The following ATXN1 variants were observed in gnomAD, a reference collection of about 807,000 sequenced individuals.
ATXN1 encodes ataxin 1.
ATXN1 carries 8 observed loss-of-function variants against 56.4 expected under a neutral mutation model. That is an observed-to-expected ratio of 0.14 (90% CI 0.08 to 0.26). The LOEUF (loss-of-function observed/expected upper bound fraction) is 0.26. Ranked by LOEUF, ATXN1 falls within the 10% of genes least tolerant of loss-of-function variation. ATXN1 has a pLI of 1.00. For missense variants in ATXN1, 987 were observed against 1,106.5 expected, an observed-to-expected ratio of 0.89 and a Z score of 1.53; for synonymous variants, 514 against 494.6, an observed-to-expected ratio of 1.04 and a Z score of -0.52.
In ATXN1 at chr6:16,719,399, T is replaced by G. The variant is rs535254041; in HGVS notation, c.-615+33834A>C. Among the ~76,000 whole-genome samples the G allele has an allele frequency of 8.5e-5, 13 of 152,286 alleles. No individual in the cohort carries two copies. In the East Asian group the frequency reaches 1.7e-3, roughly 20 times the overall value. The stretch of plus-strand genomic sequence containing the variant: ...TCGCAAGCAGCATGCTGTCAAAAAC[T>G]GTCAAGTGAAATAATTATTGATTGG... On this transcript the variant is annotated intron_variant, in intron 2 of 7. Transcript: ENST00000436367.
intron 6 of ATXN1, among the ~76,000 whole-genome samples, chr6:16,396,013 C>CAA (rs59358244): frequency 0.02 from 839 of 42,230 alleles, 98 homozygotes; most frequent in African/African-American, 0.07. Context: ...GACTCCGTCT[C>CAA]AAAAAAAAAA....
At chr6:16,424,055 C>A (rs1318924775) in intron 6 of ATXN1, among the ~76,000 whole-genome samples, 1 of 152,138 alleles carries the variant, frequency 6.6e-6, no homozygotes, top group Non-Finnish European at 1.5e-5. Context: ...CATGATCCTC[C>A]AGGTAATCCT....
At chr6:16,743,306 C>G (rs77394211) in intron 2 of ATXN1, among the ~76,000 whole-genome samples, 1 of 152,194 alleles carries the variant, frequency 6.6e-6, no homozygotes, top group Non-Finnish European at 1.5e-5. Context: ...TTGGACCTTT[C>G]TTTCTCCTTA....
At chr6:16,582,563 G>A (rs1311065901) in intron 4 of ATXN1, among the ~76,000 whole-genome samples, 1 of 152,182 alleles carries the variant, frequency 6.6e-6, no homozygotes, top group South Asian at 2.1e-4. Flanking sequence ...TTTCAACAAT[G>A]ATTCTGCCTG....
chr6:16,661,535 C>A (rs1758320219), intron 2 of ATXN1, among the ~76,000 whole-genome samples: 1 of 152,208 alleles, frequency 6.6e-6, no homozygotes, highest in South Asian at 2.1e-4. Context: ...TGCAGGATGG[C>A]TTCCAGTGAT....
intron 6 of ATXN1, among the ~76,000 whole-genome samples, chr6:16,413,410 T>C (rs1758841711): frequency 1.3e-5 from 2 of 152,200 alleles, no homozygotes; most frequent in Admixed American, 1.3e-4. Context: ...GGACCCATTC[T>C]TTTTGTTATA....
intron 2 of ATXN1, among the ~76,000 whole-genome samples, chr6:16,665,918 G>A (rs1050273235): frequency 2.6e-5 from 4 of 152,180 alleles, no homozygotes; most frequent in African/African-American, 9.7e-5. Flanking sequence ...TTTGATACAA[G>A]CACACAATGT....
intron 2 of ATXN1, among the ~76,000 whole-genome samples, chr6:16,669,902 T>C (rs952420446): frequency 6.6e-6 from 1 of 152,072 alleles, no homozygotes; most frequent in Admixed American, 6.6e-5. Context: ...ACATTCACAT[T>C]GGTGATGTCT....
In ATXN1 at chr6:16,529,239, C is replaced by T. The variant is rs146478581; in HGVS notation, c.-360-6551G>A. ...TTTTTTTTTTTGTGAAGATAGCAAG[C>T]GAGGATATGAGAACAAAAGTTACCC... is the stretch of plus-strand genomic sequence containing the variant. On this transcript the variant is annotated intron_variant, in intron 4 of 7. Coordinates refer to ENST00000436367, the MANE Select transcript of ATXN1 (RefSeq NM_001128164.2). Among the ~76,000 whole-genome samples the T allele has an allele frequency of 3.0e-3, 413 of 138,726 alleles. 2 individuals carry two copies. The highest frequency in any genetic ancestry group is 0.011 in the African/African-American group (387 of 35,906). The allele number at this position is 138,726 out of a possible 152,430, so 91.0% of individuals were successfully genotyped here. A position where few individuals can be genotyped will look rare whatever the true frequency, so the allele number is the denominator to read the frequency against.
chr6:16,745,027 CAAT>C (rs1358653300), intron 2 of ATXN1, among the ~76,000 whole-genome samples: 1 of 152,084 alleles, frequency 6.6e-6, no homozygotes, highest in Non-Finnish European at 1.5e-5. Flanking sequence ...GTAAAAAGAA[CAAT>C]TAGTAAATAA....
chr6:16,480,329 C>T (rs200765828), intron 6 of ATXN1, among the ~76,000 whole-genome samples: 1 of 152,108 alleles, frequency 6.6e-6, no homozygotes. Flanking sequence ...AGAAGTAGTA[C>T]ATAAAATACT....
intron 6 of ATXN1, among the ~76,000 whole-genome samples, chr6:16,421,443 GCT>G (rs1759030296): frequency 6.6e-6 from 1 of 152,192 alleles, no homozygotes; most frequent in South Asian, 2.1e-4. Flanking sequence ...GATTGGTACA[GCT>G]CTGAGATTAG....
At chr6:16,543,219 C>T (rs1392833964) in intron 4 of ATXN1, among the ~76,000 whole-genome samples, 1 of 152,184 alleles carries the variant, frequency 6.6e-6, no homozygotes, top group Non-Finnish European at 1.5e-5. Context: ...GTCCCGCAGC[C>T]ACCACCACCT....
chr6:16,379,229 G>A lies in ATXN1; in HGVS notation c.-160-50759C>T, dbSNP rs866225059. 2.0e-4 allele frequency among the ~76,000 whole-genome samples: 31 copies of A among 152,276 alleles called. 1 individual carries two copies. Among genetic ancestry groups the A allele is most frequent in the Admixed American group, 4.6e-4 (7 of 15,298 alleles). ...AAGCTATGAGGATGCAAAGGCATAA[G>A]AATGATACAGCGGACTTTGGGCACT... On this transcript the variant is annotated intron_variant, in intron 6 of 7. Coordinates refer to ENST00000436367, the MANE Select transcript of ATXN1 (RefSeq NM_001128164.2).
intron 2 of ATXN1, among the ~76,000 whole-genome samples, chr6:16,711,304 C>A (rs1343329270): frequency 6.6e-6 from 1 of 152,076 alleles, no homozygotes; most frequent in Non-Finnish European, 1.5e-5. Flanking sequence ...AACTAGAAAT[C>A]TTCCAGGAGA....
At chr6:16,552,603 T>C (rs866642726) in intron 4 of ATXN1, among the ~76,000 whole-genome samples, 8 of 152,180 alleles carry the variant, frequency 5.3e-5, no homozygotes, top group South Asian at 4.1e-4. Flanking sequence ...CTCCACTCAC[T>C]AAATTTATAA....
At chr6:16,547,004 T>C (rs1260650669) in intron 4 of ATXN1, among the ~76,000 whole-genome samples, 1 of 152,226 alleles carries the variant, frequency 6.6e-6, no homozygotes, top group Non-Finnish European at 1.5e-5. Flanking sequence ...TTGGGGAAGT[T>C]CTAGCATCTT....
At chr6:16,584,223 C>CATATATAT (rs746676585) in intron 4 of ATXN1, among the ~76,000 whole-genome samples, 1,203 of 80,594 alleles carry the variant, frequency 0.015, 19 homozygotes, top group Non-Finnish European at 0.025. Flanking sequence ...CGATATTGGA[C>CATATATAT]ATATATATAT....
In ATXN1 at chr6:16,326,997, G is replaced by C; in HGVS notation, c.1314C>G (p.His438Gln). Residue 438 changes from histidine (H) to glutamine (Q), a missense_variant, in exon 7 of 8, where the codon CAC becomes CAG. Physicochemically the swap from His to Gln is conservative, Grantham distance 24. Around this residue, in one of 3 missense-constraint regions of ATXN1, gnomAD observed 723 missense variants for 791.7 expected, o/e 0.91. Coordinates refer to ENST00000436367, the MANE Select transcript of ATXN1 (RefSeq NM_001128164.2). This position sits in a 1 kb window ranked among gnomAD's most constrained non-coding sequence, Gnocchi z 6.6. ...CCACCGGGAGTGGCTCTGAAGCACT[G>C]TGTGTGGTCTGAATGACCGTGTGGG... ...LSPHTVIQTT[H>Q]SASEPLPVGL... 1 of 1,614,188 alleles carries C rather than the reference G, an allele frequency of 6.2e-7. No individual in the cohort carries two copies. The highest frequency in any genetic ancestry group is 8.5e-7 in the Non-Finnish European group (1 of 1,180,042).
Sources: allele counts gnomAD v4.1 joint callset (sites outside exome capture counted in the v4.1 genomes callset), GRCh38; gene constraint gnomAD v4.1.1; regional missense constraint gnomAD v4.1.1; non-coding constraint Gnocchi (gnomAD v3.1); transcripts MANE v1.5; gene names NCBI Gene and HGNC (gene_info 2026-07-23, HGNC 2026-07-21).